Variants in ADAMTS17 observed in about 807,000 individuals in gnomAD.
ADAMTS17 encodes the protein A disintegrin and metalloproteinase with thrombospondin motifs 17.
A neutral mutation model predicts 141.5 loss-of-function variants in ADAMTS17; 113 were observed. That is an observed-to-expected ratio of 0.80 (90% CI 0.69 to 0.93). The LOEUF is 0.93. ADAMTS17 is among the 40% of genes least tolerant of loss of function. ADAMTS17 has a pLI of 0.00. For synonymous variants in ADAMTS17, 768 were observed against 630.6 expected (o/e 1.22, Z -3.27); for missense variants, 1,659 against 1,517.9 (o/e 1.09, Z -1.54).
At chr15:100,096,226 G>T in intron 15 of ADAMTS17, 130 bp downstream of exon 15, 15 of 1,473,848 alleles carry the variant, frequency 1.0e-5, no homozygotes, top group Non-Finnish European at 1.4e-5. Flanking sequence ...AAATGAAACT[G>T]AAGTTCCAGG....
chr15:100,172,429 A>T (rs190803331), intron 8 of ADAMTS17, among the ~76,000 whole-genome samples: 1 of 152,330 alleles, frequency 6.6e-6, no homozygotes, highest in African/African-American at 2.4e-5. Flanking sequence ...TCAGTAAACA[A>T]AATTTTCCAC....
At chr15:100,190,925 G>C (rs1011443859) in intron 8 of ADAMTS17, among the ~76,000 whole-genome samples, 3 of 152,178 alleles carry the variant, frequency 2.0e-5, no homozygotes, top group African/African-American at 7.2e-5. Flanking sequence ...CTGAGCTTCT[G>C]GTCCGAGTCT....
At chr15:100,164,109 G>A (rs1056865501) in intron 8 of ADAMTS17, among the ~76,000 whole-genome samples, 9 of 152,028 alleles carry the variant, frequency 5.9e-5, no homozygotes, top group Admixed American at 1.3e-4. Flanking sequence ...TTAGTCTCCC[G>A]TATTCAGCAC....
chr15:100,065,611 G>A (rs1309385630), intron 15 of ADAMTS17, among the ~76,000 whole-genome samples: 4 of 152,114 alleles, frequency 2.6e-5, no homozygotes, highest in Non-Finnish European at 5.9e-5. Flanking sequence ...TGTAATTCAT[G>A]ATGTCATAGG....
At chr15:100,333,380 T>C (rs1306915329) in intron 2 of ADAMTS17, among the ~76,000 whole-genome samples, 1 of 152,176 alleles carries the variant, frequency 6.6e-6, no homozygotes, top group African/African-American at 2.4e-5. Context: ...CTACCTATTG[T>C]TATGATCTGG....
intron 8 of ADAMTS17, among the ~76,000 whole-genome samples, chr15:100,165,683 G>A (rs753416912): frequency 6.6e-6 from 1 of 152,196 alleles, no homozygotes; most frequent in Non-Finnish European, 1.5e-5. Context: ...GAGGGGCTGT[G>A]CTAAAGCTGA....
At chr15:100,117,791 C>T (rs572902705) in intron 12 of ADAMTS17, among the ~76,000 whole-genome samples, 4 of 152,310 alleles carry the variant, frequency 2.6e-5, no homozygotes, top group African/African-American at 9.6e-5. Context: ...TCCATGATGC[C>T]AAGGTCATCA....
rs375292092 is a variant in ADAMTS17 at position 100,102,079 on chromosome 15, G to C, written c.2017-5603C>G. 1.2e-4 allele frequency among the ~76,000 whole-genome samples: 18 copies of C among 152,312 alleles called. 2 individuals are homozygous for C. The South Asian group carries it at 3.7e-3, about 32-fold the overall frequency. On this transcript the variant is annotated intron_variant, in intron 14 of 21. Coordinates refer to ENST00000268070, the MANE Select transcript of ADAMTS17 (RefSeq NM_139057.4). The stretch of plus-strand genomic sequence containing the variant: ...AAATAGAATTTCTGAGTTCTTCTGT[G>C]TCTCAAAATTAGTTTCCCTGCATGC...
chr15:100,306,568 C>T (rs1297449900), intron 3 of ADAMTS17: 4 of 456,070 alleles, frequency 8.8e-6, no homozygotes, highest in South Asian at 4.6e-5. Flanking sequence ...GAGGCCCAGA[C>T]ACTGTGGAAC....
chr15:100,144,735 C>G (rs1247633866), intron 10 of ADAMTS17, among the ~76,000 whole-genome samples: 1 of 151,584 alleles, frequency 6.6e-6, no homozygotes, highest in Admixed American at 6.6e-5. Context: ...ATCCAAGGAC[C>G]CGAGGTGAGC....
chr15:100,216,132 C>T (rs2041961338), intron 7 of ADAMTS17, among the ~76,000 whole-genome samples: 2 of 152,200 alleles, frequency 1.3e-5, no homozygotes, highest in African/African-American at 2.4e-5. Flanking sequence ...CTCCCCAAGC[C>T]TTGTGCCCCC....
At chr15:100,327,976 A>G (rs2045945245) in intron 3 of ADAMTS17, among the ~76,000 whole-genome samples, 1 of 152,142 alleles carries the variant, frequency 6.6e-6, no homozygotes, top group African/African-American at 2.4e-5. Context: ...ACCTAGGTTC[A>G]CCTTTCAAGT....
chr15:100,230,512 G>T (rs1019234095), intron 7 of ADAMTS17, among the ~76,000 whole-genome samples: 6 of 152,184 alleles, frequency 3.9e-5, no homozygotes, highest in African/African-American at 1.4e-4. Flanking sequence ...GAGGAAACGG[G>T]GTTAGACTGG....
chr15:100,120,266 G>A (rs943915540), intron 12 of ADAMTS17, among the ~76,000 whole-genome samples: 11 of 152,066 alleles, frequency 7.2e-5, no homozygotes, highest in African/African-American at 2.7e-4. Context: ...GGGAAAGCCA[G>A]GTCAATTTCA....
At chr15:100,295,556 T>G (rs1338072162) in intron 3 of ADAMTS17, among the ~76,000 whole-genome samples, 1 of 152,168 alleles carries the variant, frequency 6.6e-6, no homozygotes, top group East Asian at 1.9e-4. Context: ...GTATACTCCC[T>G]CCATGGTCTG....
At position 100,108,358 on chromosome 15, in the gene ADAMTS17, T is replaced by G. The variant is rs1160178827; in HGVS notation, c.2016+631A>C. Among the ~76,000 whole-genome samples the G allele has an allele frequency of 7.9e-5, 12 of 152,288 alleles. No homozygotes were observed. In the South Asian group the frequency reaches 2.3e-3, roughly 29 times the overall value. On this transcript the variant is annotated intron_variant, in intron 14 of 21. Coordinates refer to ENST00000268070, the MANE Select transcript of ADAMTS17 (RefSeq NM_139057.4). ...GGCTAATTTATGTTTGTATTTTTAG[T>G]AGAGACTGAGTTTCACCCTGTTGGC...
At chr15:100,037,702 C>T (rs2030876285) in intron 18 of ADAMTS17, among the ~76,000 whole-genome samples, 1 of 152,040 alleles carries the variant, frequency 6.6e-6, no homozygotes, top group Non-Finnish European at 1.5e-5. Context: ...AGCCACCATG[C>T]TTGGCCTAGA....
intron 8 of ADAMTS17, among the ~76,000 whole-genome samples, chr15:100,178,232 CT>C (rs2040406101): frequency 6.6e-6 from 1 of 151,936 alleles, no homozygotes; most frequent in Admixed American, 6.6e-5. Context: ...TCTTTTGTTT[CT>C]TTTTTCTAGA....
chr15:100,321,158 C>A (rs2045721785), intron 3 of ADAMTS17, among the ~76,000 whole-genome samples: 1 of 152,176 alleles, frequency 6.6e-6, no homozygotes. Context: ...ATGCCTCAGA[C>A]TTCCTTTATA....
Sources: allele counts gnomAD v4.1 joint callset (sites outside exome capture counted in the v4.1 genomes callset), GRCh38; gene constraint gnomAD v4.1.1; transcripts MANE v1.5; gene names NCBI Gene and HGNC (gene_info 2026-07-23, HGNC 2026-07-21).